The following NR3C2 variants were observed in gnomAD, a reference collection of about 807,000 sequenced individuals.
NR3C2 encodes the protein nuclear receptor subfamily 3 group C member 2, also known as mineralocorticoid receptor.
A neutral mutation model predicts 86.4 loss-of-function variants in NR3C2; 15 were observed. That is an observed-to-expected ratio of 0.17 (90% confidence interval 0.12 to 0.27). NR3C2 has a LOEUF of 0.27. Among genes scored for constraint, NR3C2 ranks in the 10% least tolerant of loss-of-function variants. The pLI, the probability that NR3C2 is intolerant of heterozygous loss-of-function variation, is 1.00. For missense variants in NR3C2, 960 were observed against 1,195.6 expected (o/e 0.80, Z 2.91); for synonymous variants, 458 against 450.5 (o/e 1.02, Z -0.21).
At chr4:148,393,736 A>G (rs1162367543) in intron 2 of NR3C2, among the ~76,000 whole-genome samples, 1 of 152,214 alleles carries the variant, frequency 6.6e-6, no homozygotes, top group African/African-American at 2.4e-5. Context: ...AAACATGCCA[A>G]TGATCACACT....
At chr4:148,284,364 TTAA>T (rs1741409986) in intron 2 of NR3C2, among the ~76,000 whole-genome samples, 1 of 152,068 alleles carries the variant, frequency 6.6e-6, no homozygotes, top group South Asian at 2.1e-4. Flanking sequence ...GTATCATATA[TTAA>T]TACTCAACAC....
chr4:148,112,078 CTA>C (rs1409939414), intron 8 of NR3C2, among the ~76,000 whole-genome samples: 1 of 152,042 alleles, frequency 6.6e-6, no homozygotes, highest in East Asian at 1.9e-4. Context: ...GTTCAAAAAA[CTA>C]TTCATTGAGT....
intron 3 of NR3C2, among the ~76,000 whole-genome samples, chr4:148,233,856 AT>A (rs1299015439): frequency 6.6e-6 from 1 of 152,284 alleles, no homozygotes; most frequent in South Asian, 2.1e-4. Flanking sequence ...AATAATAATA[AT>A]GAAAAAGTTT....
chr4:148,082,522 C>CAGT (rs1404863785), intron 8 of NR3C2, among the ~76,000 whole-genome samples: 1 of 152,164 alleles, frequency 6.6e-6, no homozygotes, highest in Non-Finnish European at 1.5e-5. Context: ...TGTAACAGTG[C>CAGT]ATTCTGGCCC....
At chr4:148,218,301 A>G (rs1737650098) in intron 3 of NR3C2, among the ~76,000 whole-genome samples, 1 of 152,250 alleles carries the variant, frequency 6.6e-6, no homozygotes, top group African/African-American at 2.4e-5. Context: ...CATAGTTCAA[A>G]CAGAAGCCTT....
At chr4:148,237,616 T>C (rs1738808456) in intron 3 of NR3C2, among the ~76,000 whole-genome samples, 1 of 151,282 alleles carries the variant, frequency 6.6e-6, no homozygotes. Context: ...TGAATTTACA[T>C]TCTGCAGCGC....
chr4:148,102,002 C>G (rs1373928988), intron 8 of NR3C2, among the ~76,000 whole-genome samples: 1 of 152,224 alleles, frequency 6.6e-6, no homozygotes, highest in Non-Finnish European at 1.5e-5. Flanking sequence ...AACCACCTCC[C>G]AGTTGCTATG....
At chr4:148,191,332 G>T (rs1196480059) in intron 4 of NR3C2, among the ~76,000 whole-genome samples, 8 of 152,118 alleles carry the variant, frequency 5.3e-5, no homozygotes, top group Non-Finnish European at 1.0e-4. Flanking sequence ...TAGCTTTGAG[G>T]GTTTCTGCTG....
intron 4 of NR3C2, among the ~76,000 whole-genome samples, chr4:148,192,868 C>A (rs1434937234): frequency 6.6e-6 from 1 of 151,976 alleles, no homozygotes; most frequent in Non-Finnish European, 1.5e-5. Flanking sequence ...AGGGAGAGGG[C>A]AAGAGGGGCT....
chr4:148,182,680 G>A (rs74857490), intron 4 of NR3C2, among the ~76,000 whole-genome samples: 4,748 of 152,282 alleles, frequency 0.031, 98 homozygotes, highest in Admixed American at 0.048. Flanking sequence ...CTTGTACCAT[G>A]GCTGTTTTTA....
chr4:148,128,444 C>T (rs1386847615), intron 6 of NR3C2, among the ~76,000 whole-genome samples: 1 of 152,198 alleles, frequency 6.6e-6, no homozygotes, highest in Admixed American at 6.5e-5. Context: ...AGATATTTGA[C>T]AAGCCCAAAC....
intron 2 of NR3C2, among the ~76,000 whole-genome samples, chr4:148,289,476 T>C (rs1480897259): frequency 6.6e-6 from 1 of 152,162 alleles, no homozygotes; most frequent in Non-Finnish European, 1.5e-5. Context: ...AGCGACACAT[T>C]AAAACTATAC....
intron 2 of NR3C2, among the ~76,000 whole-genome samples, chr4:148,326,520 T>C (rs1190038085): frequency 1.3e-5 from 2 of 152,194 alleles, no homozygotes; most frequent in East Asian, 3.8e-4. Flanking sequence ...AGAGCTTTCT[T>C]CAGAGAAAAG....
intron 2 of NR3C2, among the ~76,000 whole-genome samples, chr4:148,346,080 A>G (rs1327913934): frequency 6.6e-6 from 1 of 152,090 alleles, no homozygotes; most frequent in South Asian, 2.1e-4. Context: ...GAAAGCAAAG[A>G]TAGCTGAAAT....
At chr4:148,294,772 T>G (rs1417715147) in intron 2 of NR3C2, among the ~76,000 whole-genome samples, 1 of 149,906 alleles carries the variant, frequency 6.7e-6, no homozygotes, top group Non-Finnish European at 1.5e-5. Flanking sequence ...AGCCCAGGAG[T>G]TCAAGACCAG....
intron 5 of NR3C2, among the ~76,000 whole-genome samples, chr4:148,153,700 G>A (rs988463806): frequency 3.3e-5 from 5 of 149,576 alleles, no homozygotes; most frequent in Non-Finnish European, 3.0e-5. Context: ...AGATTAAGAG[G>A]GGCCTTATTA....
At chr4:148,412,836 CA>C (rs1748776493) in intron 2 of NR3C2, among the ~76,000 whole-genome samples, 1 of 120,978 alleles carries the variant, frequency 8.3e-6, no homozygotes, top group African/African-American at 2.7e-5. Context: ...CACACACACA[CA>C]CACACCCCTT....
chr4:148,310,475 T>C (rs1433069847), intron 2 of NR3C2, among the ~76,000 whole-genome samples: 2 of 152,234 alleles, frequency 1.3e-5, no homozygotes, highest in East Asian at 1.9e-4. Context: ...TACAGAACTA[T>C]GTATATCATC....
intron 2 of NR3C2, among the ~76,000 whole-genome samples, chr4:148,373,768 G>A (rs547124925): frequency 6.6e-6 from 1 of 152,146 alleles, no homozygotes; most frequent in Admixed American, 6.5e-5. Flanking sequence ...ATGAGCCACC[G>A]CGCCCGGCCA....
Sources: gnomAD v4.1 joint callset for allele counts (sites outside exome capture counted in the v4.1 genomes callset) on GRCh38, gnomAD v4.1.1 for gene constraint, MANE v1.5 for transcripts, NCBI Gene and HGNC (gene_info 2026-07-23, HGNC 2026-07-21) for gene names.